The following NRP2 variants were observed in gnomAD, a reference collection of about 807,000 sequenced individuals.
NRP2 encodes neuropilin 2.
In NRP2, 52 loss-of-function variants were observed where a neutral mutation model predicts 110.4. The ratio of observed to expected loss-of-function variants is 0.47; its 90% CI spans 0.38 to 0.59. The LOEUF is 0.59. Among genes scored for constraint, NRP2 ranks in the 20% least tolerant of loss-of-function variants. NRP2 has a pLI of 0.00. For synonymous variants in NRP2, 508 were observed against 468.9 expected, an observed-to-expected ratio of 1.08 and a Z score of -1.08; for missense variants, 1,049 against 1,203.0, an observed-to-expected ratio of 0.87 and a Z score of 1.89.
intron 13 of NRP2, chr2:205,764,206 A>G: frequency 2.0e-6 from 1 of 493,708 alleles, no homozygotes; most frequent in Non-Finnish European, 3.6e-6. Flanking sequence ...GATTGCTATC[A>G]GGTAGGCTGA....
intron 10 of NRP2, among the ~76,000 whole-genome samples, chr2:205,747,982 A>T (rs2057569220): frequency 6.6e-6 from 1 of 151,810 alleles, no homozygotes; most frequent in Non-Finnish European, 1.5e-5. Context: ...TCTGGTTTCA[A>T]TTTCAGGGGT....
intron 12 of NRP2, among the ~76,000 whole-genome samples, chr2:205,754,265 G>C (rs1200636765): frequency 1.3e-5 from 2 of 152,152 alleles, no homozygotes; most frequent in Non-Finnish European, 2.9e-5. Context: ...CCTTCTGCAG[G>C]CTTCCTTAGA....
In NRP2 at chr2:205,761,996, G is replaced by C. The variant is rs556961006; in HGVS notation, c.2045-1678G>C. On this transcript the variant is annotated intron_variant, in intron 12 of 16. Transcript: ENST00000357785. ...ACAGCAGTAATAGTAAGATCTGATA[G>C]GGGAAGCATAGGTTTAGAAGATCTT... 7.2e-5 allele frequency: 11 copies of C among 152,322 alleles called. No homozygotes were observed. The South Asian group carries it at 2.3e-3, about 32-fold the overall frequency. 9.4% of individuals were successfully genotyped at this position (152,322 alleles called of 1,614,324 possible).
chr2:205,752,338 T>C, intron 11 of NRP2: 1 of 205,372 alleles, frequency 4.9e-6, no homozygotes, highest in Non-Finnish European at 9.9e-6. Context: ...TCCTTGTTTC[T>C]GAGGTCACTT....
chr2:205,774,102 T>G (rs1296131063), intron 15 of NRP2, among the ~76,000 whole-genome samples: 2 of 152,208 alleles, frequency 1.3e-5, no homozygotes, highest in Non-Finnish European at 2.9e-5. Flanking sequence ...CTTTGATGTT[T>G]CCTGTGCATT....
intron 1 of NRP2, among the ~76,000 whole-genome samples, chr2:205,694,105 C>T (rs10180376): frequency 0.011 from 1,736 of 152,290 alleles, 35 homozygotes; most frequent in African/African-American, 0.04. Flanking sequence ...TACAACATCC[C>T]TTTGCCTTTT....
intron 9 of NRP2, among the ~76,000 whole-genome samples, chr2:205,744,426 G>A (rs966800542): frequency 6.6e-6 from 1 of 152,084 alleles, no homozygotes; most frequent in Non-Finnish European, 1.5e-5. Flanking sequence ...AGATCTTTCC[G>A]GCCTCTCAGA....
chr2:205,791,167 G>C (rs531644295), intron 15 of NRP2, among the ~76,000 whole-genome samples: 1 of 152,316 alleles, frequency 6.6e-6, no homozygotes, highest in East Asian at 1.9e-4. Flanking sequence ...ATGGTCTAAA[G>C]TTCTTTTTCT....
chr2:205,793,767 A>T (rs1294038462), intron 16 of NRP2, among the ~76,000 whole-genome samples: 1 of 152,212 alleles, frequency 6.6e-6, no homozygotes, highest in Non-Finnish European at 1.5e-5. Context: ...TAACATCTGT[A>T]AAGGCCTTAT....
At position 205,703,356 on chromosome 2, in the gene NRP2, G is replaced by A. The variant is rs868561676; in HGVS notation, c.251+5635G>A. On this transcript the variant is annotated intron_variant, in intron 2 of 16. Coordinates refer to ENST00000357785, the MANE Select transcript of NRP2 (RefSeq NM_003872.3). The stretch of plus-strand genomic sequence containing the variant: ...TAAACACCTACTATGTGCTAAGCAC[G>A]TTGGTATTATTGGGAATACAGTGAT... Among the ~76,000 whole-genome samples, 26 of 152,324 alleles carry A rather than the reference G, an allele frequency of 1.7e-4. No individual in the cohort carries two copies. The Middle Eastern group carries it at 0.01, about 60-fold the overall frequency.
intron 13 of NRP2, 54 bp from the exon 14 acceptor site, chr2:205,765,420 C>T (rs981263230): frequency 3.6e-5 from 53 of 1,466,898 alleles, no homozygotes; most frequent in Non-Finnish European, 4.4e-5. Flanking sequence ...AATCCTTGCA[C>T]CGTTTGGACT....
At chr2:205,773,993 C>T (rs2058060722) in intron 15 of NRP2, among the ~76,000 whole-genome samples, 1 of 152,146 alleles carries the variant, frequency 6.6e-6, no homozygotes, top group South Asian at 2.1e-4. Flanking sequence ...AGGGGATGGC[C>T]CTCACTGTGG....
chr2:205,723,986 C>T, intron 5 of NRP2, 46 bp downstream of exon 5: 1 of 1,609,152 alleles, frequency 6.2e-7, no homozygotes, highest in South Asian at 1.1e-5. Context: ...TCCGTCAGGG[C>T]TGTGAGGGTG....
intron 15 of NRP2, among the ~76,000 whole-genome samples, chr2:205,772,097 C>G (rs1364901881): frequency 1.3e-5 from 2 of 152,208 alleles, no homozygotes; most frequent in African/African-American, 4.8e-5. Flanking sequence ...TGCTTCTCTG[C>G]CCTTCTCCAC....
At position 205,795,826 on chromosome 2, in the gene NRP2, T is replaced by C. The variant is rs1381550279; in HGVS notation, c.*768T>C. 1 of 152,606 alleles carries C rather than the reference T, an allele frequency of 6.6e-6. No individual in the cohort carries two copies. Among genetic ancestry groups the C allele is most frequent in the Non-Finnish European group, 1.5e-5 (1 of 68,032 alleles). 9.5% of individuals were successfully genotyped at this position (152,606 alleles called of 1,614,324 possible). On this transcript the variant is annotated 3_prime_UTR_variant, in exon 17 of 17. Coordinates refer to ENST00000357785, the MANE Select transcript of NRP2 (RefSeq NM_003872.3). Reference sequence around the variant, plus strand: ...AGAAGCGCCTGGACGAGGCTTAAAGTGCTTTGTGAGTGAATAGGAGCCATT... The same window carrying C: ...AGAAGCGCCTGGACGAGGCTTAAAGCGCTTTGTGAGTGAATAGGAGCCATT...
chr2:205,724,039 G>C, intron 5 of NRP2, 99 bp downstream of exon 5: 1 of 1,327,960 alleles, frequency 7.5e-7, no homozygotes, highest in Non-Finnish European at 1.1e-6. Flanking sequence ...GAGGAGATGG[G>C]AACTCTACGG....
rs2057855099 is a variant in NRP2, at chr2:205,763,321, A to G, written c.2045-353A>G. ...TTTGGGTGAGTTAATGATGAATAAGATGTGGGTCTGGCCTCTCAGAATCTA... is the reference window on the plus strand; with the variant it reads ...TTTGGGTGAGTTAATGATGAATAAGGTGTGGGTCTGGCCTCTCAGAATCTA... On this transcript the variant is annotated intron_variant, in intron 12 of 16. Transcript: ENST00000357785. This position sits in a 1 kb window ranked among gnomAD's most constrained non-coding sequence, Gnocchi z 4.0. 6.6e-6 allele frequency among the ~76,000 whole-genome samples: 1 copy of G among 152,028 alleles called. No homozygotes were observed. Among genetic ancestry groups the G allele is most frequent in the African/African-American group, 2.4e-5 (1 of 41,354 alleles).
intron 13 of NRP2, chr2:205,764,201 C>T (rs570532754): frequency 2.0e-6 from 1 of 506,528 alleles, no homozygotes; most frequent in East Asian, 3.6e-5. Flanking sequence ...TTTTAGATTG[C>T]TATCAGGTAG....
intron 2 of NRP2, among the ~76,000 whole-genome samples, chr2:205,713,697 T>C (rs1213532175): frequency 1.3e-5 from 2 of 152,244 alleles, no homozygotes; most frequent in Non-Finnish European, 2.9e-5. Flanking sequence ...AGACTATTGA[T>C]TGTAGCAGGA....
Sources: allele counts gnomAD v4.1 joint callset (sites outside exome capture counted in the v4.1 genomes callset), GRCh38; gene constraint gnomAD v4.1.1; non-coding constraint Gnocchi (gnomAD v3.1); transcripts MANE v1.5; gene names NCBI Gene and HGNC (gene_info 2026-07-23, HGNC 2026-07-21).